The following XIST variants were observed in gnomAD, a reference collection of about 807,000 sequenced individuals.
The protein encoded by XIST is X inactive specific transcript (non-protein coding).
At chrX:73,833,276 T>C (rs760846211) in exon 3 of XIST, 2 of 558,671 alleles carry the variant, frequency 3.6e-6, no homozygotes, top group Admixed American at 4.4e-5. Context: ...CCAAGTAGAT[T>C]AGCTGGAGCT....
intron 2 of XIST, among the ~76,000 whole-genome samples, chrX:73,835,179 G>T (rs1434248262): frequency 9.0e-6 from 1 of 110,794 alleles, no homozygotes; most frequent in African/African-American, 3.3e-5. Context: ...GGACATATGG[G>T]GAGCTTTCTA....
At position 73,827,805 on chromosome X, in the gene XIST, A is replaced by C. The variant is rs750117950; in HGVS notation, n.12096T>G. 6 of 532,267 alleles carry C rather than the reference A, an allele frequency of 1.1e-5. No individual in the cohort carries two copies. The African/African-American group carries it at 1.1e-4, about 10-fold the overall frequency. 43.9% of individuals were successfully genotyped at this position (532,267 alleles called of 1,213,427 possible). ...GGAGAGCAAAGAGAAATAGCAACAAAATGAAAAATGAGAGATATGTCTAAG... is the reference window on the plus strand; with the variant it reads ...GGAGAGCAAAGAGAAATAGCAACAACATGAAAAATGAGAGATATGTCTAAG... On this transcript the variant is annotated non_coding_transcript_exon_variant, in exon 6 of 6. Coordinates refer to ENST00000429829, the Ensembl canonical transcript of XIST.
At chrX:73,830,003 G>T (rs999014885) in intron 4 of XIST, among the ~76,000 whole-genome samples, 6 of 110,368 alleles carry the variant, frequency 5.4e-5, no homozygotes, top group African/African-American at 2.0e-4. Context: ...ACAAAACACA[G>T]CCTTAGAGCA....
chrX:73,852,259 A>G (rs371718678), exon 1 of XIST: 2 of 549,452 alleles, frequency 3.6e-6, no homozygotes, highest in South Asian at 2.3e-5. Context: ...GCTAAGGAAA[A>G]AAAAATAAAA....
At position 73,824,225 on chromosome X, in the gene XIST, A is replaced by G. The variant is rs1922198025; in HGVS notation, n.15676T>C. The G allele has an allele frequency of 2.3e-5, 12 of 515,538 alleles. 1 individual carries two copies. The East Asian group carries it at 4.3e-4, about 19-fold the overall frequency. The allele number at this position is 515,538 out of a possible 1,213,427, so 42.5% of individuals were successfully genotyped here. ...TAGCAATGAGATTGGCACACAATAG[A>G]TAACTACTATAGTGGCATTCTTCAG... On this transcript the variant is annotated non_coding_transcript_exon_variant, in exon 6 of 6. Coordinates refer to ENST00000429829, the Ensembl canonical transcript of XIST.
chrX:73,846,731 A>T (rs1922783064), exon 1 of XIST: 2 of 557,431 alleles, frequency 3.6e-6, no homozygotes, highest in Non-Finnish European at 3.2e-6. Context: ...ATACAATCAC[A>T]CATATTGGGA....
exon 1 of XIST, chrX:73,844,315 T>A: frequency 1.8e-6 from 1 of 559,094 alleles, no homozygotes; most frequent in South Asian, 2.2e-5. Context: ...TAAAACCATG[T>A]ACTTTGGACA....
chrX:73,826,088 A>G (rs1335751976), exon 6 of XIST: 1 of 559,007 alleles, frequency 1.8e-6, no homozygotes, highest in Admixed American at 2.2e-5. Flanking sequence ...CATCACTAGA[A>G]ATCCCAAACC....
chrX:73,848,453 C>A, exon 1 of XIST: 1 of 558,078 alleles, frequency 1.8e-6, no homozygotes, highest in Non-Finnish European at 3.2e-6. Context: ...GGGTCCCCTG[C>A]TGGAATACAA....
At chrX:73,832,810 T>C (rs763512335) in intron 3 of XIST, among the ~76,000 whole-genome samples, 3 of 111,272 alleles carry the variant, frequency 2.7e-5, no homozygotes, top group African/African-American at 6.5e-5. Flanking sequence ...CCGAACTCAT[T>C]ATGTAAAGTT....
chrX:73,849,762 T>C (rs1003122348), exon 1 of XIST: 1 of 544,252 alleles, frequency 1.8e-6, no homozygotes, highest in African/African-American at 2.3e-5. Context: ...ACAACTTATT[T>C]TGAGCACTGA....
At chrX:73,837,168 C>T (rs954077142) in intron 2 of XIST, among the ~76,000 whole-genome samples, 4 of 111,380 alleles carry the variant, frequency 3.6e-5, no homozygotes, top group Admixed American at 9.6e-5. Flanking sequence ...ACTAATTTTA[C>T]GCTGGAGAAA....
chrX:73,848,549 C>T (rs1922831859), exon 1 of XIST: 1 of 555,956 alleles, frequency 1.8e-6, no homozygotes, highest in Admixed American at 2.2e-5. Flanking sequence ...GGTGATCAGC[C>T]CACATTGTAG....
exon 6 of XIST, chrX:73,827,358 A>G: frequency 1.8e-6 from 1 of 558,605 alleles, no homozygotes. Flanking sequence ...GAAATCAAAG[A>G]GAGGGAGATA....
intron 2 of XIST, among the ~76,000 whole-genome samples, chrX:73,835,127 T>C (rs190658331): frequency 1.6e-4 from 18 of 111,729 alleles, no homozygotes; most frequent in Non-Finnish European, 1.9e-4. Context: ...CTTCCCACAA[T>C]TCAAAGGTCT....
rs768658747 is a variant in XIST, at chrX:73,842,808, G to A, written n.9916C>T. The A allele has an allele frequency of 3.0e-5, 17 of 558,671 alleles. No individual in the cohort carries two copies. The South Asian group carries it at 3.6e-4, about 12-fold the overall frequency. 46.0% of individuals were successfully genotyped at this position (558,671 alleles called of 1,213,427 possible). A position where few individuals can be genotyped will look rare whatever the true frequency, so the allele number is the denominator to read the frequency against. Reference sequence around the variant, plus strand: ...ACCCAGCAAAGAGGCAAAAGGGGCAGGGCAGAGGGAAGGGAAGAGGGAGAC... The same window carrying A: ...ACCCAGCAAAGAGGCAAAAGGGGCAAGGCAGAGGGAAGGGAAGAGGGAGAC... On this transcript the variant is annotated non_coding_transcript_exon_variant, in exon 1 of 6. Coordinates refer to ENST00000429829, the Ensembl canonical transcript of XIST.
exon 1 of XIST, chrX:73,842,766 C>CT: frequency 1.8e-6 from 1 of 556,268 alleles, no homozygotes; most frequent in Middle Eastern, 3.1e-4. Flanking sequence ...GAGAAAGGGC[C>CT]TTGTCTGGTC....
exon 1 of XIST, chrX:73,846,081 T>C (rs1158695997): frequency 1.8e-6 from 1 of 558,328 alleles, no homozygotes; most frequent in Admixed American, 2.2e-5. Context: ...GGGCACTCCC[T>C]GCCGGAAGGG....
Position 73,826,189 on chromosome X carries a change from A to C in XIST, n.13712T>G, listed in dbSNP as rs1486248625. 5.4e-6 allele frequency: 3 copies of C among 557,538 alleles called. No individual in the cohort carries two copies. The African/African-American group carries it at 6.7e-5, about 12-fold the overall frequency. 45.9% of individuals were successfully genotyped at this position (557,538 alleles called of 1,213,427 possible). ...GGCACATCTGTGTATTTCTTGTCTA[A>C]TTCTTCTCATTGGCCTGGAGCATCT... On this transcript the variant is annotated non_coding_transcript_exon_variant, in exon 6 of 6. Transcript: ENST00000429829.
Sources: gnomAD v4.1 joint callset for allele counts (sites outside exome capture counted in the v4.1 genomes callset) on GRCh38, gnomAD v4.1.1 for gene constraint, MANE v1.5 for transcripts, NCBI Gene and HGNC (gene_info 2026-07-23, HGNC 2026-07-21) for gene names.